Variants in SLC38A6 observed in about 807,000 individuals in gnomAD.
SLC38A6 encodes N system amino acid transporter NAT-1.
A neutral mutation model predicts 65.0 loss-of-function variants in SLC38A6; 73 were observed. That is an observed-to-expected ratio of 1.12 (90% CI 0.93 to 1.37). The LOEUF (loss-of-function observed/expected upper bound fraction) is 1.37, where lower values mean the gene tolerates loss of function less well. Among genes scored for constraint, SLC38A6 ranks in the 40% most tolerant of loss-of-function variants. SLC38A6 has a pLI of 0.00. For synonymous variants in SLC38A6, 183 were observed against 178.8 expected, an observed-to-expected ratio of 1.02 and a Z score of -0.19; for missense variants, 561 against 531.1, an observed-to-expected ratio of 1.06 and a Z score of -0.55.
chr14:61,010,059 T>G (rs1390639759), intron 3 of SLC38A6, among the ~76,000 whole-genome samples: 3 of 152,242 alleles, frequency 2.0e-5, no homozygotes, highest in African/African-American at 7.2e-5. Context: ...TCCTAACTTT[T>G]TAATGATTGC....
chr14:61,083,317 G>C (rs927441041), intron 16 of SLC38A6, among the ~76,000 whole-genome samples: 1 of 152,174 alleles, frequency 6.6e-6, no homozygotes, highest in Non-Finnish European at 1.5e-5. Flanking sequence ...CCAGGTTCTG[G>C]GTTCTGGAAA....
At chr14:60,990,041 T>A (rs181688709) in intron 3 of SLC38A6, among the ~76,000 whole-genome samples, 20 of 152,154 alleles carry the variant, frequency 1.3e-4, no homozygotes, top group Admixed American at 1.2e-3. Context: ...TCTTTTCTTT[T>A]TTTTTTGAGA....
At chr14:60,998,782 T>A (rs2038477533) in intron 3 of SLC38A6, among the ~76,000 whole-genome samples, 1 of 152,176 alleles carries the variant, frequency 6.6e-6, no homozygotes, top group African/African-American at 2.4e-5. Flanking sequence ...CACCTGCCGG[T>A]CTGCGAGCTC....
At chr14:61,078,759 T>C (rs951686379) in intron 15 of SLC38A6, 3 of 176,752 alleles carry the variant, frequency 1.7e-5, no homozygotes, top group Non-Finnish European at 2.2e-5. Flanking sequence ...TTAATTTATT[T>C]ATTTTTATTT....
chr14:61,021,629 G>T (rs935168278), intron 5 of SLC38A6, among the ~76,000 whole-genome samples: 1 of 152,104 alleles, frequency 6.6e-6, no homozygotes, highest in Non-Finnish European at 1.5e-5. Flanking sequence ...TGGTTTGCTT[G>T]CTTGCTTATT....
intron 3 of SLC38A6, among the ~76,000 whole-genome samples, chr14:61,005,934 A>G (rs545158467): frequency 1.2e-3 from 181 of 152,286 alleles, no homozygotes; most frequent in Non-Finnish European, 2.0e-3. Flanking sequence ...ACTATACTAC[A>G]AGGCTACAGT....
At chr14:61,023,841 GT>G (rs1052694266) in intron 5 of SLC38A6, among the ~76,000 whole-genome samples, 3 of 151,930 alleles carry the variant, frequency 2.0e-5, no homozygotes, top group African/African-American at 7.3e-5. Flanking sequence ...CAAAGACCCA[GT>G]TTATTTCCCA....
intron 15 of SLC38A6, among the ~76,000 whole-genome samples, chr14:61,063,022 C>G (rs1183052625): frequency 6.6e-6 from 1 of 151,954 alleles, no homozygotes; most frequent in Non-Finnish European, 1.5e-5. Flanking sequence ...TTTTTTTTCC[C>G]CATTTTGTGG....
In SLC38A6 at chr14:61,041,978, G is replaced by A. The variant is rs116253161; in HGVS notation, c.625-1169G>A. ...CTCATCGTTTTTTTTTGTTGTTGTT[G>A]TTTTTCTTTGAAAACCTATAAAGAT... is the stretch of plus-strand genomic sequence containing the variant. On this transcript the variant is annotated intron_variant, in intron 8 of 15. Coordinates refer to ENST00000267488, the MANE Select transcript of SLC38A6 (RefSeq NM_153811.3). Among the ~76,000 whole-genome samples the A allele has an allele frequency of 5.9e-5, 9 of 151,686 alleles. 1 individual carries two copies. The South Asian group carries it at 1.9e-3, about 32-fold the overall frequency.
chr14:61,003,809 T>G (rs908563963), intron 3 of SLC38A6, among the ~76,000 whole-genome samples: 1 of 152,136 alleles, frequency 6.6e-6, no homozygotes, highest in African/African-American at 2.4e-5. Flanking sequence ...AAAGTGCTTC[T>G]AATTTTTGCA....
intron 6 of SLC38A6, among the ~76,000 whole-genome samples, chr14:61,032,564 A>G (rs1417619681): frequency 6.6e-6 from 1 of 151,912 alleles, no homozygotes; most frequent in Admixed American, 6.6e-5. Context: ...ATACTTCAAA[A>G]TACTGTGGTC....
rs575456802 is a variant in SLC38A6, at chr14:61,068,221, T to C, written c.1291-10589T>C. On this transcript the variant is annotated intron_variant, in intron 15 of 16. Transcript: ENST00000354886. Reference sequence around the variant, plus strand: ...CATTCCTCACTACAGTTTTCTCATATCTGTCAGCAGCCCCTGTTTTCATCC... The same window carrying C: ...CATTCCTCACTACAGTTTTCTCATACCTGTCAGCAGCCCCTGTTTTCATCC... Among the ~76,000 whole-genome samples the C allele has an allele frequency of 4.7e-4, 71 of 152,276 alleles. No individual in the cohort carries two copies. In the South Asian group the frequency reaches 4.8e-3, roughly 10 times the overall value.
intron 12 of SLC38A6, among the ~76,000 whole-genome samples, chr14:61,048,598 AT>A (rs1281838435): frequency 1.3e-5 from 2 of 152,168 alleles, no homozygotes; most frequent in East Asian, 3.9e-4. Context: ...TGTGACATCT[AT>A]TTTGAATTTG....
chr14:60,987,029 T>G, intron 3 of SLC38A6: 1 of 420,178 alleles, frequency 2.4e-6, no homozygotes, highest in Non-Finnish European at 4.7e-6. Context: ...CTCTTCTTTT[T>G]TCTTTTTCTT....
chr14:61,012,438 G>A (rs1367773424), intron 3 of SLC38A6, among the ~76,000 whole-genome samples: 1 of 152,054 alleles, frequency 6.6e-6, no homozygotes, highest in Non-Finnish European at 1.5e-5. Context: ...TTTTGAATGT[G>A]TTTGCTCTTG....
intron 10 of SLC38A6, among the ~76,000 whole-genome samples, chr14:61,044,648 A>G (rs1180209335): frequency 2.0e-5 from 3 of 152,202 alleles, no homozygotes. Context: ...ATAGATCACC[A>G]TCGTCTATTT....
rs141583179 is a variant in SLC38A6 at position 61,013,717 on chromosome 14, A to C, written c.311-2187A>C. 2.2e-3 allele frequency among the ~76,000 whole-genome samples: 336 copies of C among 152,268 alleles called. 2 individuals carry two copies. Among genetic ancestry groups the C allele is most frequent in the African/African-American group, 7.1e-3 (296 of 41,540 alleles). Reference sequence around the variant, plus strand: ...TAAGAATGTTGAATATTGGCCCCCAATGTCTTCTGGCTTGTGAAGTTTCTG... The same window carrying C: ...TAAGAATGTTGAATATTGGCCCCCACTGTCTTCTGGCTTGTGAAGTTTCTG... On this transcript the variant is annotated intron_variant, in intron 3 of 15. Coordinates refer to ENST00000267488, the MANE Select transcript of SLC38A6 (RefSeq NM_153811.3).
intron 8 of SLC38A6, 100 bp from the exon 9 acceptor site, chr14:61,043,047 A>G: frequency 1.4e-6 from 1 of 731,324 alleles, no homozygotes; most frequent in Non-Finnish European, 2.2e-6. Flanking sequence ...CTCTTCTATT[A>G]GCATCTTATT....
chr14:61,074,198 A>T (rs2043322064), intron 15 of SLC38A6, among the ~76,000 whole-genome samples: 1 of 152,234 alleles, frequency 6.6e-6, no homozygotes, highest in Non-Finnish European at 1.5e-5. Flanking sequence ...GGTCAACTGT[A>T]AATACATTTA....
Sources: allele counts gnomAD v4.1 joint callset (sites outside exome capture counted in the v4.1 genomes callset), GRCh38; gene constraint gnomAD v4.1.1; transcripts MANE v1.5; gene names NCBI Gene and HGNC (gene_info 2026-07-23, HGNC 2026-07-21).